Variants in DNAJB11 observed in about 807,000 individuals in gnomAD.
The protein encoded by DNAJB11 is DnaJ heat shock protein family (Hsp40) member B11, also known as dnaJ homolog subfamily B member 11.
DNAJB11 carries 30 observed loss-of-function variants against 47.2 expected under a neutral mutation model. The observed-to-expected ratio is 0.64, with a 90% CI of 0.48 to 0.86. DNAJB11 has a LOEUF of 0.86. DNAJB11 is among the 40% of genes least tolerant of loss of function. DNAJB11 has a pLI of 0.00. For missense variants in DNAJB11, 357 were observed against 440.2 expected, an observed-to-expected ratio of 0.81 and a Z score of 1.69; for synonymous variants, 151 against 159.9, an observed-to-expected ratio of 0.94 and a Z score of 0.42.
At chr3:186,582,900 C>A in intron 7 of DNAJB11, 127 bp downstream of exon 7, 1 of 712,244 alleles carries the variant, frequency 1.4e-6, no homozygotes, top group South Asian at 1.7e-5. Flanking sequence ...ATTTGTAACT[C>A]CTCTACAAGG....
intron 9 of DNAJB11, 80 bp from the exon 10 acceptor site, chr3:186,585,264 T>G (rs1389305599): frequency 1.3e-5 from 16 of 1,213,078 alleles, no homozygotes; most frequent in Non-Finnish European, 1.9e-5. Context: ...TTTATGAGCT[T>G]TTTCTTGAAA....
intron 2 of DNAJB11, among the ~76,000 whole-genome samples, chr3:186,575,391 GTC>G (rs755326215): frequency 0.029 from 4,351 of 147,766 alleles, 117 homozygotes; most frequent in African/African-American, 0.074. Context: ...GTGTGTGTGT[GTC>G]TGTGTGTGTG....
chr3:186,584,115 CT>C, intron 8 of DNAJB11, 139 bp downstream of exon 8: 1 of 686,266 alleles, frequency 1.5e-6, no homozygotes. Context: ...ACTTACTCTG[CT>C]GCTGAGCATA....
chr3:186,584,505 G>T lies in DNAJB11; in HGVS notation c.928G>T (p.Asp310Tyr). The T allele has an allele frequency of 6.2e-7, 1 of 1,601,950 alleles. No individual in the cohort carries two copies. The highest frequency in any genetic ancestry group is 1.1e-5 in the South Asian group (1 of 88,852). Residue 310 changes from aspartate (D) to tyrosine (Y), a missense_variant, in exon 9 of 10, where the codon GAC (aspartate) becomes TAC (tyrosine). Transcript: ENST00000265028. ...GAAAGGGGAAGGGCTCCCCAACTTTGACAACAACAATATCAAGGGCTCTTT... is the reference window on the plus strand; with the variant it reads ...GAAAGGGGAAGGGCTCCCCAACTTTTACAACAACAATATCAAGGGCTCTTT... ...WKKGEGLPNF[D>Y]NNNIKGSLII... is the part of the protein sequence containing the mutation.
At position 186,572,077 on chromosome 3, in the gene DNAJB11, TCTCC is replaced by T. The variant is rs3832261; in HGVS notation, c.69-14_69-11del. ...CATGTAACTCTTTAATGAAGTATTC[TCTCC>T]CTCTACTTCCCAGACGAGATTTCTA... On this transcript the variant is annotated splice_polypyrimidine_tract_variant and intron_variant, in intron 1 of 9. Transcript: ENST00000265028. 2 of 1,549,478 alleles carry T rather than the reference TCTCC, an allele frequency of 1.3e-6. No homozygotes were observed. Among genetic ancestry groups the T allele is most frequent in the East Asian group, 4.5e-5 (2 of 44,082 alleles).
chr3:186,582,714 A>T lies in DNAJB11; in HGVS notation c.683-2A>T. 1 of 1,589,704 alleles carries T rather than the reference A, an allele frequency of 6.3e-7. No homozygotes were observed. Among genetic ancestry groups the T allele is most frequent in the Non-Finnish European group, 8.6e-7 (1 of 1,166,276 alleles). Reference sequence around the variant, plus strand: ...CAATATGCTGTAATCTGCTCTGACTAGGTGAGCCTCACGTGGATGGGGAGC... The same window carrying T: ...CAATATGCTGTAATCTGCTCTGACTTGGTGAGCCTCACGTGGATGGGGAGC... On this transcript the variant is annotated splice_acceptor_variant, in intron 6 of 9. Coordinates refer to ENST00000265028, the MANE Select transcript of DNAJB11 (RefSeq NM_016306.6). LOFTEE classifies it high-confidence loss of function.
At chr3:186,571,103 A>G (rs1578981589) in intron 1 of DNAJB11, 138 bp downstream of exon 1, 2 of 772,672 alleles carry the variant, frequency 2.6e-6, no homozygotes, top group Non-Finnish European at 4.1e-6. Context: ...GTGGCGGAGG[A>G]AGGGGTAGTA....
At chr3:186,584,293 G>T in intron 8 of DNAJB11, 137 bp from the exon 9 acceptor site, 1 of 842,972 alleles carries the variant, frequency 1.2e-6, no homozygotes, top group Non-Finnish European at 1.8e-6. Flanking sequence ...TTGTCTTAAT[G>T]GTATTTCCTT....
In DNAJB11 at chr3:186,582,632, A is replaced by C; in HGVS notation, c.683-84A>C. ...GACAGGTCAATGCCCAAAGTAGTGG[A>C]TTAAAAAAATGTATCAGTTGCCAAA... On this transcript the variant is annotated intron_variant, in intron 6 of 9. Coordinates refer to ENST00000265028, the MANE Select transcript of DNAJB11 (RefSeq NM_016306.6). 4 of 1,148,202 alleles carry C rather than the reference A, an allele frequency of 3.5e-6. No homozygotes were observed. The South Asian group carries it at 5.3e-5, about 15-fold the overall frequency. 71.1% of individuals were successfully genotyped at this position (1,148,202 alleles called of 1,614,324 possible). A position where few individuals can be genotyped will look rare whatever the true frequency, so the allele number is the denominator to read the frequency against.
chr3:186,584,571 A>C lies in DNAJB11; in HGVS notation c.994A>C (p.Thr332Pro). Residue 332 changes from threonine (T) to proline (P), a missense_variant, in exon 9 of 10, where the codon ACA (threonine) becomes CCA (proline). Transcript: ENST00000265028. Reference sequence around the variant, plus strand: ...TGTGGATTTTCCAAAAGAACAGTTAACAGAGGAAGCGAGAGAAGGTATGGC... The same window carrying C: ...TGTGGATTTTCCAAAAGAACAGTTACCAGAGGAAGCGAGAGAAGGTATGGC... ...FDVDFPKEQL[T>P]EEAREGIKQL... 6.3e-7 allele frequency: 1 copy of C among 1,576,250 alleles called. No individual in the cohort carries two copies. The highest frequency in any genetic ancestry group is 8.6e-7 in the Non-Finnish European group (1 of 1,166,326).
intron 9 of DNAJB11, 29 bp from the exon 10 acceptor site, chr3:186,585,315 A>G (rs747555456): frequency 2.0e-5 from 32 of 1,592,334 alleles, no homozygotes; most frequent in African/African-American, 2.7e-5. Flanking sequence ...TTTTTTGTTA[A>G]TGGAGTCATT....
rs1715012948 is a variant in DNAJB11, at chr3:186,570,806, C to T, written c.-92C>T. 5 of 1,228,772 alleles carry T rather than the reference C, an allele frequency of 4.1e-6. No individual in the cohort carries two copies. The highest frequency in any genetic ancestry group is 5.8e-6 in the Non-Finnish European group (5 of 863,942). The allele number at this position is 1,228,772 out of a possible 1,614,324, so 76.1% of individuals were successfully genotyped here. On this transcript the variant is annotated 5_prime_UTR_variant, in exon 1 of 10. Transcript: ENST00000265028. ...ACCCCCGCGCCCCCCCGGTGTGAGG[C>T]GGCCTCACAGGGCCGGGTGGGCTGG...
chr3:186,575,538 C>T (rs9841333), intron 2 of DNAJB11, among the ~76,000 whole-genome samples: 40,344 of 151,990 alleles, frequency 0.27, 6,744 homozygotes, highest in African/African-American at 0.47. Flanking sequence ...TCTTTCCTGT[C>T]ACCACCCTGA....
rs767057233 is a variant in DNAJB11, at chr3:186,583,938, G to A, written c.814G>A (p.Gly272Ser). 1.9e-6 allele frequency: 3 copies of A among 1,613,630 alleles called. No individual in the cohort carries two copies. The African/African-American group carries it at 4.0e-5, about 22-fold the overall frequency. The change falls in exon 8 of 10, where the codon GGC becomes AGC. Residue 272 changes from glycine to serine, a missense_variant. Transcript: ENST00000265028. ...VTISLVESLV[G>S]FEMDITHLDG... ...AATCTCATTAGTTGAGTCACTGGTT[G>A]GCTTTGAGATGGATATTACTCACTT...
intron 8 of DNAJB11, 136 bp from the exon 9 acceptor site, chr3:186,584,294 G>A (rs369678722): frequency 7.1e-6 from 6 of 849,754 alleles, no homozygotes; most frequent in South Asian, 4.4e-5. Context: ...TGTCTTAATG[G>A]TATTTCCTTT....
chr3:186,582,087 T>G lies in DNAJB11; in HGVS notation c.682+10T>G. The G allele has an allele frequency of 6.2e-7, 1 of 1,604,444 alleles. No individual in the cohort carries two copies. On this transcript the variant is annotated intron_variant, in intron 6 of 9. Coordinates refer to ENST00000265028, the MANE Select transcript of DNAJB11 (RefSeq NM_016306.6). ...CCCTTTATTGGAGAAGGTGAAATAT[T>G]GATATTTGATTTTTTGATTGTGATA...
chr3:186,571,045 A>C, intron 1 of DNAJB11, 80 bp downstream of exon 1: 1 of 1,201,318 alleles, frequency 8.3e-7, no homozygotes, highest in Non-Finnish European at 1.2e-6. Flanking sequence ...GGGAAGTGGC[A>C]TTGCCAGACT....
At chr3:186,575,213 A>G (rs1715225705) in intron 2 of DNAJB11, among the ~76,000 whole-genome samples, 1 of 152,042 alleles carries the variant, frequency 6.6e-6, no homozygotes, top group Admixed American at 6.6e-5. Context: ...AAACATATAT[A>G]TATATGGCAG....
At chr3:186,582,524 C>T (rs1398817293) in intron 6 of DNAJB11, among the ~76,000 whole-genome samples, 192 bp from the exon 7 acceptor site, 1 of 152,180 alleles carries the variant, frequency 6.6e-6, no homozygotes, top group South Asian at 2.1e-4. Flanking sequence ...AAGTTATGTA[C>T]TGCTGTATCT....
Sources: allele counts gnomAD v4.1 joint callset (sites outside exome capture counted in the v4.1 genomes callset), GRCh38; gene constraint gnomAD v4.1.1; transcripts MANE v1.5; gene names NCBI Gene and HGNC (gene_info 2026-07-23, HGNC 2026-07-21).